TLDC2: variants seen among roughly 807,000 people sequenced by gnomAD.
TLDC2 encodes the protein TBC/LysM-associated domain containing 2.
In TLDC2, 23 loss-of-function variants were observed where a neutral mutation model predicts 27.9. That is an observed-to-expected ratio of 0.82 (90% CI 0.59 to 1.17). The LOEUF (loss-of-function observed/expected upper bound fraction) is 1.17, where lower values mean the gene tolerates loss of function less well. Ranked by LOEUF, TLDC2 falls within the 50% of genes most tolerant of loss-of-function variation. The pLI, the probability that TLDC2 is intolerant of heterozygous loss-of-function variation, is 0.00. For synonymous variants in TLDC2, 124 were observed against 107.4 expected (o/e 1.16, Z -0.96); for missense variants, 286 against 273.4 (o/e 1.05, Z -0.32).
chr20:36,877,229 A>C (rs1176674923), intron 1 of TLDC2, among the ~76,000 whole-genome samples: 1 of 151,944 alleles, frequency 6.6e-6, no homozygotes, highest in Non-Finnish European at 1.5e-5. Context: ...AAAAATACAA[A>C]AATTAGCCAG....
chr20:36,878,021 C>T lies in TLDC2; in HGVS notation c.156C>T (p.Ala52=). 6.2e-7 allele frequency: 1 copy of T among 1,614,026 alleles called. No individual in the cohort carries two copies. The highest frequency in any genetic ancestry group is 8.5e-7 in the Non-Finnish European group (1 of 1,179,940). ...CCACGGTGCCCCAGCTGACAGAAGCCAGCCAGGTTTTGAGTGCCTCAGAGA... is the reference window on the plus strand; with the variant it reads ...CCACGGTGCCCCAGCTGACAGAAGCTAGCCAGGTTTTGAGTGCCTCAGAGA... The part of the protein sequence containing the change: ...EDPTVPQLTE[A]SQVLSASEIR... The change falls in exon 2 of 7, where the codon GCC becomes GCT. Residue 52 remains alanine (A), a synonymous_variant. Transcript: ENST00000217320.
Position 36,880,689 on chromosome 20 carries a change from T to C in TLDC2, c.377T>C (p.Leu126Pro), listed in dbSNP as rs981410440. 6.8e-6 allele frequency: 11 copies of C among 1,614,130 alleles called. No individual in the cohort carries two copies. Among genetic ancestry groups the C allele is most frequent in the Non-Finnish European group, 9.3e-6 (11 of 1,180,048 alleles). ...FGAFSSSAIR[L>P]SKGFYGTGET... is the part of the protein sequence containing the mutation. ...GCCTTCTCCTCCTCGGCTATCCGAC[T>C]CAGCAAAGGCTTCTATGGTACTGGC... The change falls in exon 4 of 7, where the codon CTC (leucine) becomes CCC (proline). Residue 126 changes from leucine to proline, a missense_variant. Coordinates refer to ENST00000217320, the MANE Select transcript of TLDC2 (RefSeq NM_080628.3).
In TLDC2 at chr20:36,878,069, C is replaced by T. The variant is rs902580507; in HGVS notation, c.189+15C>T. The stretch of plus-strand genomic sequence containing the variant: ...AGATTCGGCAGGTCTGGGCATTGCC[C>T]ATGGCACAAGAATTTCAGCCCTAAA... On this transcript the variant is annotated intron_variant, in intron 2 of 6. Transcript: ENST00000217320. 1.2e-6 allele frequency: 2 copies of T among 1,604,904 alleles called. No homozygotes were observed. Among genetic ancestry groups the T allele is most frequent in the South Asian group, 1.1e-5 (1 of 89,772 alleles).
chr20:36,885,684 C>T (rs1989906779), intron 4 of TLDC2, among the ~76,000 whole-genome samples: 1 of 152,182 alleles, frequency 6.6e-6, no homozygotes, highest in Non-Finnish European at 1.5e-5. Context: ...TGGTTGCTCA[C>T]AGCATTTTGG....
rs2148352476 is a variant in TLDC2, at chr20:36,893,308, G to A, written c.*464G>A. On this transcript the variant is annotated 3_prime_UTR_variant, in exon 7 of 7. Transcript: ENST00000217320. The stretch of plus-strand genomic sequence containing the variant: ...CACTGGCCTCTGCAGAGATGACTGG[G>A]AGCAGCATACCACTGCCCACCTCTA... 1 of 566,484 alleles carries A rather than the reference G, an allele frequency of 1.8e-6. No individual in the cohort carries two copies. The highest frequency in any genetic ancestry group is 3.1e-6 in the Non-Finnish European group (1 of 318,508). 35.1% of individuals were successfully genotyped at this position (566,484 alleles called of 1,614,324 possible). A position where few individuals can be genotyped will look rare whatever the true frequency, so the allele number is the denominator to read the frequency against.
At chr20:36,877,114 G>A (rs1296615924) in intron 1 of TLDC2, among the ~76,000 whole-genome samples, 4 of 152,094 alleles carry the variant, frequency 2.6e-5, no homozygotes, top group Non-Finnish European at 4.4e-5. Context: ...GGCCAGGCGC[G>A]GTGGCTCACG....
At chr20:36,878,706 C>G (rs1298694917) in intron 2 of TLDC2, among the ~76,000 whole-genome samples, 1 of 151,992 alleles carries the variant, frequency 6.6e-6, no homozygotes, top group Admixed American at 6.6e-5. Context: ...CTTTCCTATT[C>G]TCTAGCCTCT....
intron 6 of TLDC2, chr20:36,891,522 C>A (rs1990073433): frequency 6.6e-6 from 1 of 152,520 alleles, no homozygotes; most frequent in African/African-American, 2.4e-5. Flanking sequence ...TAACTGCAGA[C>A]TTTGTTCTTG....
At chr20:36,881,379 C>CAA (rs11295785) in intron 4 of TLDC2, among the ~76,000 whole-genome samples, 1 of 118,770 alleles carries the variant, frequency 8.4e-6, no homozygotes, top group Admixed American at 8.6e-5. Flanking sequence ...GACCCTGTCT[C>CAA]AAAAAAAAAA....
At chr20:36,876,353 G>A (rs1286680610) in intron 1 of TLDC2, 146 bp downstream of exon 1, 1 of 1,080,754 alleles carries the variant, frequency 9.3e-7, no homozygotes, top group Non-Finnish European at 1.4e-6. Context: ...GTGGTTTGGA[G>A]CAAGGACTGA....
chr20:36,884,920 C>G lies in TLDC2; in HGVS notation c.439-2535C>G, dbSNP rs1291134. Among the ~76,000 whole-genome samples, 3 of 140,068 alleles carry G rather than the reference C, an allele frequency of 2.1e-5. No individual in the cohort carries two copies. In the Admixed American group the frequency reaches 2.3e-4, roughly 11 times the overall value. The allele number at this position is 140,068 out of a possible 152,430, so 91.9% of individuals were successfully genotyped here. On this transcript the variant is annotated intron_variant, in intron 4 of 6. Transcript: ENST00000217320. ...TGAGACGGAGTTTTGCTCTTGTTGC[C>G]CAGGCTGGAGTGCAGTGGGGCAATC...
chr20:36,893,063 CA>C lies in TLDC2; in HGVS notation c.*220del. 1 of 1,613,012 alleles carries C rather than the reference CA, an allele frequency of 6.2e-7. No individual in the cohort carries two copies. The highest frequency in any genetic ancestry group is 8.5e-7 in the Non-Finnish European group (1 of 1,179,976). On this transcript the variant is annotated 3_prime_UTR_variant, in exon 7 of 7. Transcript: ENST00000217320. ...GTTATGAGTGGGGCTATAACATCGC[CA>C]TCCTATTAGGAAGAGAGAGAAAAAC...
At chr20:36,880,600 T>C in intron 3 of TLDC2, 55 bp from the exon 4 acceptor site, 2 of 1,472,612 alleles carry the variant, frequency 1.4e-6, no homozygotes, top group South Asian at 2.3e-5. Flanking sequence ...GAATGAGGGT[T>C]GCCAGAGGAC....
At chr20:36,884,718 T>C (rs1410564234) in intron 4 of TLDC2, among the ~76,000 whole-genome samples, 1 of 151,634 alleles carries the variant, frequency 6.6e-6, no homozygotes, top group Admixed American at 6.6e-5. Context: ...TCATTGCTCA[T>C]GCCACTGCAT....
chr20:36,880,378 G>T (rs916541061), intron 3 of TLDC2, among the ~76,000 whole-genome samples: 2 of 152,004 alleles, frequency 1.3e-5, no homozygotes, highest in Non-Finnish European at 2.9e-5. Context: ...TTACAGGCAT[G>T]AGCCATCACG....
At chr20:36,884,282 A>G (rs1989873978) in intron 4 of TLDC2, among the ~76,000 whole-genome samples, 1 of 152,070 alleles carries the variant, frequency 6.6e-6, no homozygotes, top group South Asian at 2.1e-4. Flanking sequence ...CTCTGCTCCA[A>G]CCACACTGGC....
At position 36,892,847 on chromosome 20, in the gene TLDC2, G is replaced by T; in HGVS notation, c.*18-15G>T. ...AAAATACAAAATTAAAGCATGAGTTGTCATTAATTTGCAGAATTCTATGAT... is the reference window on the plus strand; with the variant it reads ...AAAATACAAAATTAAAGCATGAGTTTTCATTAATTTGCAGAATTCTATGAT... On this transcript the variant is annotated splice_polypyrimidine_tract_variant and intron_variant, in intron 6 of 6. Coordinates refer to ENST00000217320, the MANE Select transcript of TLDC2 (RefSeq NM_080628.3). 6.6e-7 allele frequency: 1 copy of T among 1,523,382 alleles called. No individual in the cohort carries two copies. Among genetic ancestry groups the T allele is most frequent in the Non-Finnish European group, 9.1e-7 (1 of 1,097,212 alleles). The allele number at this position is 1,523,382 out of a possible 1,614,324, so 94.4% of individuals were successfully genotyped here. A position where few individuals can be genotyped will look rare whatever the true frequency, so the allele number is the denominator to read the frequency against.
intron 6 of TLDC2, chr20:36,890,195 A>G (rs1019157195): frequency 6.6e-6 from 1 of 152,052 alleles, no homozygotes; most frequent in African/African-American, 2.4e-5. Flanking sequence ...AGAGGTCGAA[A>G]CCTTTGTGGA....
chr20:36,881,907 C>G (rs1197880778), intron 4 of TLDC2, among the ~76,000 whole-genome samples: 1 of 152,162 alleles, frequency 6.6e-6, no homozygotes, highest in East Asian at 1.9e-4. Context: ...ACCTGCCATC[C>G]CTGGTGAGGA....
Sources: allele counts gnomAD v4.1 joint callset (sites outside exome capture counted in the v4.1 genomes callset), GRCh38; gene constraint gnomAD v4.1.1; transcripts MANE v1.5; gene names NCBI Gene and HGNC (gene_info 2026-07-23, HGNC 2026-07-21).